Variants in RBMS1 observed in about 807,000 individuals in gnomAD.
The protein encoded by RBMS1 is RNA binding motif single stranded interacting protein 1.
In RBMS1, 17 loss-of-function variants were observed where a neutral mutation model predicts 62.3. That is an observed-to-expected ratio of 0.27 (90% confidence interval 0.19 to 0.41). The LOEUF is 0.41. RBMS1 is among the 10% of genes least tolerant of loss of function. RBMS1 has a pLI of 1.00. For synonymous variants in RBMS1, 172 were observed against 170.0 expected, an observed-to-expected ratio of 1.01 and a Z score of -0.09; for missense variants, 334 against 504.5, an observed-to-expected ratio of 0.66 and a Z score of 3.24.
At chr2:160,372,231 T>C (rs1693763147) in intron 1 of RBMS1, among the ~76,000 whole-genome samples, 1 of 152,070 alleles carries the variant, frequency 6.6e-6, no homozygotes, top group Non-Finnish European at 1.5e-5. Flanking sequence ...TAGTACGTTT[T>C]GAAGGGAAAG....
chr2:160,471,691 G>GTGTGTATGTATATATATATATATATATA (rs1275928756), intron 1 of RBMS1, among the ~76,000 whole-genome samples: 3 of 65,942 alleles, frequency 4.5e-5, no homozygotes, highest in Non-Finnish European at 9.5e-5. Flanking sequence ...ATCCTTTGGT[G>GTGTGTATGTATATATATATATATATATA]TATATATATA....
At chr2:160,490,575 A>G (rs1389172357) in intron 1 of RBMS1, among the ~76,000 whole-genome samples, 4 of 152,176 alleles carry the variant, frequency 2.6e-5, no homozygotes, top group African/African-American at 9.7e-5. Flanking sequence ...TTATTAATAA[A>G]ATGTGGAAGT....
intron 2 of RBMS1, among the ~76,000 whole-genome samples, chr2:160,365,289 G>C (rs992082239): frequency 2.6e-5 from 4 of 152,176 alleles, no homozygotes; most frequent in Admixed American, 2.0e-4. Context: ...ATATCAAGAA[G>C]ACTATTATCA....
intron 1 of RBMS1, among the ~76,000 whole-genome samples, chr2:160,424,211 G>T (rs1421574220): frequency 6.6e-6 from 1 of 151,662 alleles, no homozygotes; most frequent in Non-Finnish European, 1.5e-5. Context: ...GCAGAGACAG[G>T]TTTCACCATG....
chr2:160,431,293 G>A (rs1682885284), intron 1 of RBMS1, among the ~76,000 whole-genome samples: 1 of 151,288 alleles, frequency 6.6e-6, no homozygotes, highest in African/African-American at 2.4e-5. Context: ...TGAAAGCTTT[G>A]GATCCAGACC....
chr2:160,459,627 T>A (rs1417493151), intron 1 of RBMS1, among the ~76,000 whole-genome samples: 2 of 152,234 alleles, frequency 1.3e-5, no homozygotes, highest in Non-Finnish European at 2.9e-5. Flanking sequence ...TCATGTATTA[T>A]TTCACATGTT....
rs922657308 is a variant in RBMS1, at chr2:160,360,862, A to G, written c.251+6354T>C. On this transcript the variant is annotated intron_variant, in intron 2 of 13. Transcript: ENST00000348849. ...CTGACCTGTCTTGCTTTACTGTTTC[A>G]CCTTTTAAGATCTGTGCTGTGTTCA... Among the ~76,000 whole-genome samples, 2 of 152,132 alleles carry G rather than the reference A, an allele frequency of 1.3e-5. 1 individual carries two copies. Among genetic ancestry groups the G allele is most frequent in the Non-Finnish European group, 2.9e-5 (2 of 68,034 alleles).
chr2:160,397,998 G>T (rs1169631547), intron 1 of RBMS1, among the ~76,000 whole-genome samples: 2 of 152,124 alleles, frequency 1.3e-5, no homozygotes, highest in Non-Finnish European at 2.9e-5. Flanking sequence ...TCTCTCCTCG[G>T]AGTGCTTTAA....
chr2:160,434,909 C>T (rs1329357377), intron 1 of RBMS1, among the ~76,000 whole-genome samples: 5 of 152,104 alleles, frequency 3.3e-5, no homozygotes, highest in Non-Finnish European at 7.4e-5. Context: ...CTTTGACTTC[C>T]TGGTCAAAGA....
At chr2:160,428,242 C>G (rs760906902) in intron 1 of RBMS1, among the ~76,000 whole-genome samples, 1 of 152,020 alleles carries the variant, frequency 6.6e-6, no homozygotes, top group Non-Finnish European at 1.5e-5. Flanking sequence ...AGAAATGTAG[C>G]CTGGCAAAAA....
intron 1 of RBMS1, among the ~76,000 whole-genome samples, chr2:160,431,514 G>C (rs2105286953): frequency 6.6e-6 from 1 of 152,242 alleles, no homozygotes; most frequent in South Asian, 2.1e-4. Flanking sequence ...TGTAGATTAA[G>C]CATCTTCTAC....
chr2:160,433,278 G>C (rs1234938530), intron 1 of RBMS1, among the ~76,000 whole-genome samples: 2 of 152,090 alleles, frequency 1.3e-5, no homozygotes, highest in African/African-American at 2.4e-5. Context: ...AGCCAGGTGT[G>C]GTGGTGCACA....
At chr2:160,468,525 C>A (rs1684788754) in intron 1 of RBMS1, among the ~76,000 whole-genome samples, 1 of 152,116 alleles carries the variant, frequency 6.6e-6, no homozygotes, top group African/African-American at 2.4e-5. Flanking sequence ...TATTTTCATT[C>A]CTTCAATTTC....
chr2:160,493,206 C>T (rs959133748), intron 1 of RBMS1, 83 bp downstream of exon 1: 1 of 1,327,144 alleles, frequency 7.5e-7, no homozygotes, highest in Non-Finnish European at 1.1e-6. Flanking sequence ...GGGTTCGCCG[C>T]GCGCCCCCCT....
At chr2:160,425,296 T>G (rs1460156982) in intron 1 of RBMS1, among the ~76,000 whole-genome samples, 3 of 152,242 alleles carry the variant, frequency 2.0e-5, no homozygotes, top group Non-Finnish European at 4.4e-5. Context: ...TGATTAGGTC[T>G]CTTAAATTTT....
chr2:160,308,395 C>T (rs1247807107), intron 4 of RBMS1, among the ~76,000 whole-genome samples: 2 of 151,010 alleles, frequency 1.3e-5, no homozygotes, highest in African/African-American at 2.4e-5. Flanking sequence ...GATCTGGTCT[C>T]AAAAAACAAA....
chr2:160,343,427 T>C (rs768030084), intron 2 of RBMS1, among the ~76,000 whole-genome samples: 3 of 152,176 alleles, frequency 2.0e-5, no homozygotes, highest in Non-Finnish European at 2.9e-5. Context: ...GTAGCCAAAT[T>C]ACAGCCATGG....
intron 5 of RBMS1, among the ~76,000 whole-genome samples, chr2:160,302,203 CTT>C (rs767307018): frequency 2.0e-4 from 28 of 141,962 alleles, no homozygotes; most frequent in Non-Finnish European, 2.0e-4. Flanking sequence ...GACTTTTAGA[CTT>C]TTTTTTTTTT....
At chr2:160,443,394 T>G (rs937798116) in intron 1 of RBMS1, among the ~76,000 whole-genome samples, 15 of 152,120 alleles carry the variant, frequency 9.9e-5, no homozygotes, top group African/African-American at 3.6e-4. Flanking sequence ...CCAAATCTCA[T>G]GTTGAAATGT....
Sources: gnomAD v4.1 joint callset for allele counts (sites outside exome capture counted in the v4.1 genomes callset) on GRCh38, gnomAD v4.1.1 for gene constraint, MANE v1.5 for transcripts, NCBI Gene and HGNC (gene_info 2026-07-23, HGNC 2026-07-21) for gene names.